Variants in PDE8B observed in about 807,000 individuals in gnomAD.
PDE8B encodes the protein phosphodiesterase 8B, also known as high affinity cAMP-specific and IBMX-insensitive 3',5'-cyclic phosphodiesterase 8B.
Under a neutral mutation model 101.3 loss-of-function variants are expected in PDE8B, and 26 were observed. That is an observed-to-expected ratio of 0.26 (90% CI 0.19 to 0.36). The LOEUF (loss-of-function observed/expected upper bound fraction) is 0.36. Among genes scored for constraint, PDE8B ranks in the 10% least tolerant of loss-of-function variants. The probability of loss-of-function intolerance (pLI) is 1.00; values close to 1 mark genes in which losing one functional copy is unlikely to be tolerated. For synonymous variants in PDE8B, 424 were observed against 429.3 expected (o/e 0.99, Z 0.15); for missense variants, 810 against 1,163.1 (o/e 0.70, Z 4.42).
Position 77,426,535 on chromosome 5 carries a change from G to A in PDE8B, c.2639G>A (p.Arg880Lys). 1.2e-6 allele frequency: 2 copies of A among 1,608,964 alleles called. No individual in the cohort carries two copies. The highest frequency in any genetic ancestry group is 1.7e-6 in the Non-Finnish European group (2 of 1,175,426). ...TLDDLKCKSLRLPSDS is the reference protein window; with the variant it reads ...TLDDLKCKSLKLPSDS Reference sequence around the variant, plus strand: ...GATGACCTAAAGTGCAAAAGTTTGAGGCTTCCATCTGACAGCTAAAGCCAA... The same window carrying A: ...GATGACCTAAAGTGCAAAAGTTTGAAGCTTCCATCTGACAGCTAAAGCCAA... Residue 880 changes from arginine (R) to lysine (K), a missense_variant, in exon 22 of 22, where the codon AGG (arginine) becomes AAG (lysine). Around this residue, in one of 4 missense-constraint regions of PDE8B, gnomAD observed 325 missense variants for 560.9 expected, o/e 0.58. Coordinates refer to ENST00000264917, the MANE Select transcript of PDE8B (RefSeq NM_003719.5).
At chr5:77,359,152 G>C (rs952476937) in intron 10 of PDE8B, among the ~76,000 whole-genome samples, 13 of 152,130 alleles carry the variant, frequency 8.5e-5, no homozygotes, top group Admixed American at 7.9e-4. Context: ...GGGGACAGGG[G>C]TGGGGGTACT....
intron 10 of PDE8B, among the ~76,000 whole-genome samples, chr5:77,371,975 C>T (rs1406677319): frequency 6.6e-6 from 1 of 152,000 alleles, no homozygotes; most frequent in East Asian, 1.9e-4. Flanking sequence ...CCGAGGTTGG[C>T]ATATCACTTC....
At chr5:77,345,242 G>A (rs1362140235) in intron 7 of PDE8B, among the ~76,000 whole-genome samples, 3 of 152,228 alleles carry the variant, frequency 2.0e-5, no homozygotes, top group Non-Finnish European at 4.4e-5. Context: ...TCTTGGCTCA[G>A]TATAATTTCT....
At chr5:77,416,265 T>G (rs1425974776) in intron 17 of PDE8B, among the ~76,000 whole-genome samples, 1 of 152,218 alleles carries the variant, frequency 6.6e-6, no homozygotes, top group Non-Finnish European at 1.5e-5. Context: ...CCCCAGTTAC[T>G]TGAATCTATT....
rs531579846 is a variant in PDE8B at position 77,359,264 on chromosome 5, G to C, written c.1167+5858G>C. ...GATGGTGGCTGCTGGAGGTGATCAT[G>C]CCAGGCTCTGTGAAGTTCCAGAGCA... is the stretch of plus-strand genomic sequence containing the variant. On this transcript the variant is annotated intron_variant, in intron 10 of 21. Transcript: ENST00000264917. Among the ~76,000 whole-genome samples, 18 of 152,316 alleles carry C rather than the reference G, an allele frequency of 1.2e-4. No individual in the cohort carries two copies. In the South Asian group the frequency reaches 3.7e-3, roughly 32 times the overall value.
the PDE8B span, chr5:77,180,581 C>G: frequency 1.8e-5 from 13 of 722,952 alleles, no homozygotes; most frequent in South Asian, 6.1e-4. Context: ...GGCTTCAGGG[C>G]CCCCTTTCAG....
chr5:77,101,742 T>C, the PDE8B span, among the ~76,000 whole-genome samples: 1 of 152,292 alleles, frequency 6.6e-6, no homozygotes, highest in African/African-American at 2.4e-5. Flanking sequence ...ATTCAGTGAA[T>C]ACTTGGAGTG....
the PDE8B span, among the ~76,000 whole-genome samples, chr5:77,091,877 G>A: frequency 6.6e-6 from 1 of 152,208 alleles, no homozygotes; most frequent in Admixed American, 6.5e-5. Context: ...TCATAGAGGA[G>A]TTTTTAGTAA....
chr5:77,296,973 C>T (rs1455698013), intron 1 of PDE8B, among the ~76,000 whole-genome samples: 3 of 152,098 alleles, frequency 2.0e-5, no homozygotes, highest in African/African-American at 4.8e-5. Flanking sequence ...TGTCACTCTC[C>T]CTGAGCTTCA....
At chr5:77,310,962 A>G (rs920685965) in intron 1 of PDE8B, among the ~76,000 whole-genome samples, 7 of 152,184 alleles carry the variant, frequency 4.6e-5, no homozygotes, top group Non-Finnish European at 1.0e-4. Flanking sequence ...ATGTAAAGAA[A>G]GTTTGCTTTT....
At chr5:77,176,173 C>T in the PDE8B span, among the ~76,000 whole-genome samples, 2 of 152,168 alleles carry the variant, frequency 1.3e-5, no homozygotes, top group African/African-American at 4.8e-5. Flanking sequence ...AACCGACTAG[C>T]CACCAGCCAC....
At chr5:77,235,359 G>A (rs966538675) in intron 1 of PDE8B, among the ~76,000 whole-genome samples, 2 of 152,134 alleles carry the variant, frequency 1.3e-5, no homozygotes, top group African/African-American at 4.8e-5. Flanking sequence ...AAAACGTCCA[G>A]CATTTTGCCT....
At chr5:77,299,707 A>G (rs1452767098) in intron 1 of PDE8B, among the ~76,000 whole-genome samples, 2 of 152,012 alleles carry the variant, frequency 1.3e-5, no homozygotes, top group South Asian at 2.1e-4. Flanking sequence ...AGTCTTTGCT[A>G]TTGTGAATAG....
chr5:77,391,321 C>G (rs1324458540), intron 10 of PDE8B, among the ~76,000 whole-genome samples: 1 of 152,172 alleles, frequency 6.6e-6, no homozygotes, highest in African/African-American at 2.4e-5. Context: ...TGGCACTGCT[C>G]TCGGCACAGA....
chr5:77,422,640 G>A (rs1796917451), intron 20 of PDE8B, among the ~76,000 whole-genome samples: 1 of 152,142 alleles, frequency 6.6e-6, no homozygotes, highest in South Asian at 2.1e-4. Flanking sequence ...AGAGTTAAAG[G>A]AGAGAAATCT....
At chr5:77,332,983 A>AT (rs1777440880) in intron 5 of PDE8B, among the ~76,000 whole-genome samples, 2 of 150,782 alleles carry the variant, frequency 1.3e-5, no homozygotes, top group African/African-American at 2.4e-5. Context: ...CTGGCTTAAA[A>AT]ATATATATAT....
intron 10 of PDE8B, among the ~76,000 whole-genome samples, chr5:77,359,965 C>T (rs552432278): frequency 3.3e-5 from 5 of 151,906 alleles, no homozygotes; most frequent in African/African-American, 1.2e-4. Flanking sequence ...GCGTGGTGCA[C>T]CTGTAATCCC....
At chr5:77,384,009 A>G (rs1172445790) in intron 10 of PDE8B, among the ~76,000 whole-genome samples, 1 of 152,140 alleles carries the variant, frequency 6.6e-6, no homozygotes, top group Non-Finnish European at 1.5e-5. Flanking sequence ...GTTTTTTCCA[A>G]TTCTATGAAG....
chr5:77,253,256 G>C lies in PDE8B; in HGVS notation c.339+41992G>C, dbSNP rs145339448. On this transcript the variant is annotated intron_variant, in intron 1 of 21. Transcript: ENST00000264917. ...TTGTAAATGAGTATAAATTTTAAAG[G>C]GTAAAGGATCGTAGTAATCAAGTCA... Among the ~76,000 whole-genome samples, 199 of 152,238 alleles carry C rather than the reference G, an allele frequency of 1.3e-3. 1 individual carries two copies. Among genetic ancestry groups the C allele is most frequent in the Admixed American group, 0.011 (174 of 15,268 alleles).
Sources: allele counts gnomAD v4.1 joint callset (sites outside exome capture counted in the v4.1 genomes callset), GRCh38; gene constraint gnomAD v4.1.1; regional missense constraint gnomAD v4.1.1; transcripts MANE v1.5; gene names NCBI Gene and HGNC (gene_info 2026-07-23, HGNC 2026-07-21).